The following LY86 variants were observed in gnomAD, a reference collection of about 807,000 sequenced individuals.
LY86 encodes lymphocyte antigen 86.
LY86 carries 20 observed loss-of-function variants against 17.3 expected under a neutral mutation model. That is an observed-to-expected ratio of 1.15 (90% CI 0.81 to 1.68). LY86 has a LOEUF of 1.68. Among genes scored for constraint, LY86 ranks in the 40% most tolerant of loss-of-function variants. The pLI, the probability that LY86 is intolerant of heterozygous loss-of-function variation, is 0.00. For synonymous variants in LY86, 74 were observed against 70.6 expected (o/e 1.05, Z -0.24); for missense variants, 200 against 191.9 (o/e 1.04, Z -0.25).
chr6:6,612,510 A>C (rs565514168), intron 1 of LY86, among the ~76,000 whole-genome samples: 2 of 137,950 alleles, frequency 1.4e-5, no homozygotes, highest in Non-Finnish European at 3.1e-5. Flanking sequence ...CACTTACTGC[A>C]AAAAGCAAAA....
intron 1 of LY86, among the ~76,000 whole-genome samples, chr6:6,596,510 A>C (rs1315983294): frequency 6.6e-6 from 1 of 152,238 alleles, no homozygotes; most frequent in African/African-American, 2.4e-5. Flanking sequence ...ATTAACAAGG[A>C]TATAAAAGTA....
chr6:6,611,971 G>C (rs894838060), intron 1 of LY86, among the ~76,000 whole-genome samples: 2 of 116,186 alleles, frequency 1.7e-5, no homozygotes, highest in Admixed American at 8.6e-5. Context: ...CTACTTGAAA[G>C]GATATCTACC....
chr6:6,622,021 C>CA (rs1761692097), intron 1 of LY86, among the ~76,000 whole-genome samples: 2 of 151,990 alleles, frequency 1.3e-5, no homozygotes, highest in South Asian at 4.2e-4. Flanking sequence ...TGCATGTTTA[C>CA]ACTCAAAGAT....
chr6:6,594,807 A>G (rs1209414164), intron 1 of LY86, among the ~76,000 whole-genome samples: 1 of 152,186 alleles, frequency 6.6e-6, no homozygotes, highest in African/African-American at 2.4e-5. Flanking sequence ...ATCCTTACAA[A>G]CAGGTAGATA....
intron 1 of LY86, among the ~76,000 whole-genome samples, chr6:6,607,311 G>C (rs1187489535): frequency 1.3e-5 from 2 of 152,162 alleles, no homozygotes; most frequent in African/African-American, 4.8e-5. Context: ...GAAATTCACT[G>C]TCATGTGTTT....
At chr6:6,630,054 A>T (rs570520710) in intron 3 of LY86, among the ~76,000 whole-genome samples, 2 of 152,398 alleles carry the variant, frequency 1.3e-5, no homozygotes, top group Non-Finnish European at 2.9e-5. Flanking sequence ...CTGAAAGAGT[A>T]CACACTTTAG....
intron 3 of LY86, among the ~76,000 whole-genome samples, chr6:6,641,092 C>T (rs1762033250): frequency 6.6e-6 from 1 of 152,202 alleles, no homozygotes; most frequent in East Asian, 1.9e-4. Flanking sequence ...AGCAACTATT[C>T]CCAGAACACG....
At chr6:6,654,093 T>A (rs940649992) in intron 4 of LY86, among the ~76,000 whole-genome samples, 32 of 137,920 alleles carry the variant, frequency 2.3e-4, no homozygotes, top group African/African-American at 7.7e-4. Flanking sequence ...ACCCCCCCCA[T>A]CCCCCCACTC....
intron 1 of LY86, among the ~76,000 whole-genome samples, chr6:6,612,399 G>A (rs1261915640): frequency 6.6e-6 from 1 of 152,148 alleles, no homozygotes. Context: ...TCCCCCAGTG[G>A]GTACCTAGTC....
intron 3 of LY86, among the ~76,000 whole-genome samples, chr6:6,628,787 A>G (rs531332689): frequency 6.6e-6 from 1 of 152,372 alleles, no homozygotes; most frequent in South Asian, 2.1e-4. Flanking sequence ...GGCACAAAGT[A>G]AAGACACAAT....
At chr6:6,601,534 AAC>A (rs1456843275) in intron 1 of LY86, among the ~76,000 whole-genome samples, 1 of 152,138 alleles carries the variant, frequency 6.6e-6, no homozygotes. Flanking sequence ...CATCCTGGCT[AAC>A]ACAGTGAAAC....
intron 1 of LY86, among the ~76,000 whole-genome samples, chr6:6,598,413 A>T (rs73365335): frequency 0.095 from 14,444 of 152,230 alleles, 1,930 homozygotes; most frequent in African/African-American, 0.3. Flanking sequence ...GATTACAGTA[A>T]TATTTATCTC....
intron 1 of LY86, among the ~76,000 whole-genome samples, chr6:6,598,212 C>T (rs1278316993): frequency 6.6e-6 from 1 of 152,148 alleles, no homozygotes; most frequent in Middle Eastern, 3.2e-3. Flanking sequence ...AACATCTAAT[C>T]GAATATAGCA....
intron 3 of LY86, among the ~76,000 whole-genome samples, chr6:6,636,459 A>G (rs1052138638): frequency 7.2e-5 from 11 of 152,220 alleles, no homozygotes; most frequent in Admixed American, 5.9e-4. Context: ...AGGTTTCTCA[A>G]GCAAGGGCCC....
chr6:6,612,312 A>G (rs968119961), intron 1 of LY86, among the ~76,000 whole-genome samples: 2 of 152,208 alleles, frequency 1.3e-5, no homozygotes, highest in Non-Finnish European at 2.9e-5. Context: ...TGCTAACTTC[A>G]GGCGTGAAAC....
At chr6:6,650,542 C>T (rs1425939754) in intron 4 of LY86, among the ~76,000 whole-genome samples, 1 of 152,128 alleles carries the variant, frequency 6.6e-6, no homozygotes, top group Non-Finnish European at 1.5e-5. Context: ...ACCATATTGG[C>T]CAGGTTGGTC....
At chr6:6,641,222 C>T (rs980615618) in intron 3 of LY86, among the ~76,000 whole-genome samples, 10 of 152,216 alleles carry the variant, frequency 6.6e-5, no homozygotes, top group Non-Finnish European at 1.3e-4. Flanking sequence ...CTCCAACAAA[C>T]GGCCATTTGA....
chr6:6,650,390 AG>A (rs1762170026), intron 4 of LY86, among the ~76,000 whole-genome samples: 1 of 148,632 alleles, frequency 6.7e-6, no homozygotes. Context: ...GCTGGAGTGC[AG>A]GGGCATGATC....
At chr6:6,623,652 C>A (rs537645195) in intron 1 of LY86, among the ~76,000 whole-genome samples, 1 of 152,262 alleles carries the variant, frequency 6.6e-6, no homozygotes, top group South Asian at 2.1e-4. Context: ...GGAGTGCTTA[C>A]TGTGGATCAG....
Sources: allele counts gnomAD v4.1 joint callset (sites outside exome capture counted in the v4.1 genomes callset), GRCh38; gene constraint gnomAD v4.1.1; transcripts MANE v1.5; gene names NCBI Gene and HGNC (gene_info 2026-07-23, HGNC 2026-07-21).